SPATA7: variants seen among roughly 807,000 people sequenced by gnomAD.
SPATA7 encodes spermatogenesis associated 7, also known as spermatogenesis-associated protein 7.
SPATA7 carries 43 observed loss-of-function variants against 51.8 expected under a neutral mutation model. That is an observed-to-expected ratio of 0.83 (90% CI 0.65 to 1.07). The LOEUF (loss-of-function observed/expected upper bound fraction) is 1.07. Ranked by LOEUF, SPATA7 falls within the 50% of genes least tolerant of loss-of-function variation. The probability of loss-of-function intolerance (pLI) is 0.00; values close to 1 mark genes in which losing one functional copy is unlikely to be tolerated. For missense variants in SPATA7, 683 were observed against 701.3 expected (o/e 0.97, Z 0.30); for synonymous variants, 230 against 252.8 (o/e 0.91, Z 0.86).
At chr14:88,456,303 A>G (rs1195200941), downstream of SPATA7, among the ~76,000 whole-genome samples, 1 of 152,086 alleles carries the variant, frequency 6.6e-6, no homozygotes, top group Non-Finnish European at 1.5e-5. Context: ...CGCCACACTG[A>G]CTTCCACAAT....
chr14:88,450,903 T>C (rs920916131), intron 3 of SPATA7, among the ~76,000 whole-genome samples: 1 of 152,208 alleles, frequency 6.6e-6, no homozygotes, highest in Non-Finnish European at 1.5e-5. Flanking sequence ...TCCAAACTTT[T>C]AGATTTATCT....
chr14:88,400,463 A>G (rs1384139681), intron 4 of SPATA7, among the ~76,000 whole-genome samples: 1 of 152,214 alleles, frequency 6.6e-6, no homozygotes, highest in Admixed American at 6.5e-5. Context: ...GAAACATACA[A>G]CCTTCAAAAA....
At chr14:88,441,657 T>C (rs2077179474), downstream of SPATA7, among the ~76,000 whole-genome samples, 1 of 152,182 alleles carries the variant, frequency 6.6e-6, no homozygotes, top group African/African-American at 2.4e-5. Context: ...CTTTTGAGAA[T>C]TGTCTATTCA....
At chr14:88,386,108 T>A in intron 1 of SPATA7, 3 of 1,258,090 alleles carry the variant, frequency 2.4e-6, no homozygotes, top group Non-Finnish European at 3.2e-6. Context: ...GTGCAGCCTT[T>A]AAAACCTCAG....
intron 3 of SPATA7, among the ~76,000 whole-genome samples, chr14:88,453,011 C>T (rs1009521089): frequency 5.9e-5 from 9 of 152,188 alleles, no homozygotes; most frequent in African/African-American, 1.9e-4. Context: ...TATAACACCT[C>T]CTGTGAAACC....
intron 4 of SPATA7, among the ~76,000 whole-genome samples, chr14:88,464,511 C>CCCTGAGGTCAGGAGTTCGAGACCAG (rs2077341173): frequency 6.6e-6 from 1 of 151,756 alleles, no homozygotes; most frequent in South Asian, 2.1e-4. Context: ...CTGGCAGATC[C>CCCTGAGGTCAGGAGTTCGAGACCAG]CCTGAGGTCA....
intron 5 of SPATA7, among the ~76,000 whole-genome samples, chr14:88,424,438 C>T (rs1373805719): frequency 2.0e-5 from 3 of 152,162 alleles, no homozygotes; most frequent in Non-Finnish European, 4.4e-5. Flanking sequence ...TTAACATATA[C>T]TTCTACCTTT....
At chr14:88,457,205 C>A (rs529576363), downstream of SPATA7, among the ~76,000 whole-genome samples, 3 of 152,062 alleles carry the variant, frequency 2.0e-5, no homozygotes, top group African/African-American at 7.2e-5. Flanking sequence ...CTTGGCAATG[C>A]GGGCCCTTTT....
At chr14:88,411,242 GGT>G (rs2076334154) in intron 4 of SPATA7, among the ~76,000 whole-genome samples, 1 of 152,136 alleles carries the variant, frequency 6.6e-6, no homozygotes, top group Non-Finnish European at 1.5e-5. Flanking sequence ...TAGAGTCCCA[GGT>G]CAACTTCAGA....
chr14:88,451,841 A>G lies in SPATA7; in HGVS notation c.178-3219A>G, dbSNP rs181368704. On this transcript the variant is annotated intron_variant, in intron 3 of 3. Transcript: ENST00000554802. ...CACCTGGCCCTATATCATTTTTTTT[A>G]TTTCTTTAAGTTAGACTTTACCTTT... Among the ~76,000 whole-genome samples, 300 of 151,754 alleles carry G rather than the reference A, an allele frequency of 2.0e-3. 2 individuals carry two copies. Among genetic ancestry groups the G allele is most frequent in the African/African-American group, 6.7e-3 (277 of 41,390 alleles).
At chr14:88,423,416 C>CTCAT (rs1006185877) in intron 5 of SPATA7, among the ~76,000 whole-genome samples, 1 of 146,366 alleles carries the variant, frequency 6.8e-6, no homozygotes, top group Non-Finnish European at 1.5e-5. Context: ...AAAAGCCAGG[C>CTCAT]ATGATGGTGT....
At chr14:88,449,642 T>A (rs1260319929) in intron 3 of SPATA7, among the ~76,000 whole-genome samples, 3 of 152,204 alleles carry the variant, frequency 2.0e-5, no homozygotes, top group Non-Finnish European at 4.4e-5. Context: ...TGACTTTCTG[T>A]CTTGATGACC....
At chr14:88,386,307 T>C (rs955674620) in intron 1 of SPATA7, among the ~76,000 whole-genome samples, 4 of 152,248 alleles carry the variant, frequency 2.6e-5, no homozygotes, top group Non-Finnish European at 4.4e-5. Context: ...CCTGGCGCAT[T>C]TGAAGTGGTC....
Position 88,396,177 on chromosome 14 carries a change from CAGTA to C in SPATA7, c.215_218del (p.Val72AlafsTer2). 6.2e-7 allele frequency: 1 copy of C among 1,610,622 alleles called. No homozygotes were observed. The highest frequency in any genetic ancestry group is 8.5e-7 in the Non-Finnish European group (1 of 1,178,148). On this transcript the variant is annotated frameshift_variant, in exon 4 of 12. Coordinates refer to ENST00000393545, the MANE Select transcript of SPATA7 (RefSeq NM_018418.5). LOFTEE classifies it high-confidence loss of function. ...TCAGCTGCAGTAGACTGCTCGGTTC[CAGTA>C]AGCGTGAGTACCAGCATAAAGTGTA...
chr14:88,429,458 A>G lies in SPATA7; in HGVS notation c.1023A>G (p.Ser341=). The G allele has an allele frequency of 6.3e-7, 1 of 1,590,294 alleles. No individual in the cohort carries two copies. The highest frequency in any genetic ancestry group is 8.6e-7 in the Non-Finnish European group (1 of 1,158,628). ...AGGATGATGCTCTTCAGCATTCCTCACCAAGGTAAACAGTTCACAGGAGAA... is the reference window on the plus strand; with the variant it reads ...AGGATGATGCTCTTCAGCATTCCTCGCCAAGGTAAACAGTTCACAGGAGAA... The part of the protein sequence containing the change: ...EIKDDALQHS[S]PRAMCQYSLK... Residue 341 remains serine (S), a synonymous_variant, in exon 8 of 12, where the codon TCA becomes TCG. Coordinates refer to ENST00000393545, the MANE Select transcript of SPATA7 (RefSeq NM_018418.5).
intron 4 of SPATA7, among the ~76,000 whole-genome samples, chr14:88,461,502 C>G (rs2077317504): frequency 6.6e-6 from 1 of 152,174 alleles, no homozygotes; most frequent in African/African-American, 2.4e-5. Flanking sequence ...GTGGGACCCT[C>G]CGAGCCAGGT....
At position 88,431,227 on chromosome 14, in the gene SPATA7, T is replaced by G; in HGVS notation, c.1082+2T>G. 6.2e-7 allele frequency: 1 copy of G among 1,612,608 alleles called. No individual in the cohort carries two copies. The highest frequency in any genetic ancestry group is 1.1e-5 in the South Asian group (1 of 91,048). ...TTCAACTCGTAAAATCTACTCTGAG[T>G]AAGATCTTTTTTAAGTCTTCGTTTT... On this transcript the variant is annotated splice_donor_variant, in intron 9 of 11. Transcript: ENST00000393545. LOFTEE classifies it high-confidence loss of function.
At chr14:88,398,957 CAGG>C (rs1310655044) in intron 4 of SPATA7, among the ~76,000 whole-genome samples, 1 of 149,968 alleles carries the variant, frequency 6.7e-6, no homozygotes, top group African/African-American at 2.5e-5. Context: ...GAGGCTGAGG[CAGG>C]AGAATGGCGT....
intron 2 of SPATA7, 79 bp downstream of exon 2, chr14:88,391,534 A>G (rs998828934): frequency 1.7e-6 from 2 of 1,181,524 alleles, no homozygotes; most frequent in Non-Finnish European, 2.5e-6. Flanking sequence ...ATATGACATG[A>G]TGGAAAAATT....
Sources: allele counts gnomAD v4.1 joint callset (sites outside exome capture counted in the v4.1 genomes callset), GRCh38; gene constraint gnomAD v4.1.1; transcripts MANE v1.5; gene names NCBI Gene and HGNC (gene_info 2026-07-23, HGNC 2026-07-21).